The following IL1RAPL2 variants were observed in gnomAD, a reference collection of about 807,000 sequenced individuals.
The protein encoded by IL1RAPL2 is X-linked interleukin-1 receptor accessory protein-like 2.
A neutral mutation model predicts 44.1 loss-of-function variants in IL1RAPL2; 3 were observed. That is an observed-to-expected ratio of 0.07 (90% CI 0.03 to 0.18). IL1RAPL2 has a LOEUF of 0.18. Among genes scored for constraint, IL1RAPL2 ranks in the 10% least tolerant of loss-of-function variants. The pLI is 1.00. For missense variants in IL1RAPL2, 391 were observed against 496.4 expected, an observed-to-expected ratio of 0.79 and a Z score of 2.02; for synonymous variants, 181 against 178.8, an observed-to-expected ratio of 1.01 and a Z score of -0.10.
intron 6 of IL1RAPL2, among the ~76,000 whole-genome samples, chrX:105,523,971 A>G (rs977242915): frequency 1.8e-5 from 2 of 111,549 alleles, no homozygotes; most frequent in Non-Finnish European, 3.8e-5. Context: ...TTATGTTGTA[A>G]TTTAATGACA....
At chrX:105,460,386 C>T (rs2036085419) in intron 5 of IL1RAPL2, among the ~76,000 whole-genome samples, 1 of 110,196 alleles carries the variant, frequency 9.1e-6, no homozygotes, top group African/African-American at 3.3e-5. Flanking sequence ...CTCTCTACAT[C>T]TCTCTCTCCT....
intron 2 of IL1RAPL2, among the ~76,000 whole-genome samples, chrX:104,971,238 C>T (rs1044668524): frequency 9.0e-6 from 1 of 110,692 alleles, no homozygotes; most frequent in African/African-American, 3.3e-5. Context: ...ATCCCAGCTA[C>T]TCGGGATGCT....
intron 1 of IL1RAPL2, among the ~76,000 whole-genome samples, chrX:104,652,782 G>A: frequency 9.0e-6 from 1 of 111,648 alleles, no homozygotes; most frequent in South Asian, 3.8e-4. Flanking sequence ...GATATTAGGA[G>A]AGTCTCATGC....
chrX:105,679,051 G>GTGAT (rs901803884), intron 6 of IL1RAPL2, among the ~76,000 whole-genome samples: 4 of 102,298 alleles, frequency 3.9e-5, no homozygotes, highest in African/African-American at 7.1e-5. Context: ...TTACTATCAT[G>GTGAT]TGATAGACAA....
chrX:104,783,423 C>T (rs1253117347), intron 2 of IL1RAPL2, among the ~76,000 whole-genome samples: 1 of 110,773 alleles, frequency 9.0e-6, no homozygotes, highest in Non-Finnish European at 1.9e-5. Context: ...CAACACCAAC[C>T]GACTCTTGTC....
intron 2 of IL1RAPL2, among the ~76,000 whole-genome samples, chrX:104,846,912 CATT>C (rs948206983): frequency 8.9e-6 from 1 of 112,073 alleles, no homozygotes; most frequent in African/African-American, 3.2e-5. Flanking sequence ...GATGGTATCT[CATT>C]GTGTTTTTGA....
chrX:105,405,652 G>T, intron 5 of IL1RAPL2: 1 of 1,127,188 alleles, frequency 8.9e-7, no homozygotes, highest in Non-Finnish European at 1.2e-6. Context: ...GCGCGATGAG[G>T]CGGGTGACCC....
chrX:105,194,097 C>T (rs901422142), intron 2 of IL1RAPL2, among the ~76,000 whole-genome samples: 1 of 111,966 alleles, frequency 8.9e-6, no homozygotes, highest in Non-Finnish European at 1.9e-5. Flanking sequence ...TTGCCAACTA[C>T]CTTGAAGCCC....
At chrX:105,542,723 ATTT>A (rs2036752048) in intron 6 of IL1RAPL2, among the ~76,000 whole-genome samples, 1 of 82,371 alleles carries the variant, frequency 1.2e-5, no homozygotes, top group African/African-American at 4.3e-5. Context: ...TTATTTATTT[ATTT>A]ATTTAATTTA....
intron 5 of IL1RAPL2, among the ~76,000 whole-genome samples, chrX:105,458,849 A>G (rs1262833772): frequency 9.0e-6 from 1 of 111,648 alleles, no homozygotes; most frequent in Non-Finnish European, 1.9e-5. Flanking sequence ...CAGGTCGAAT[A>G]GAGACAATTT....
chrX:105,016,960 G>A (rs1287803729), intron 2 of IL1RAPL2, among the ~76,000 whole-genome samples: 1 of 111,367 alleles, frequency 9.0e-6, no homozygotes, highest in Non-Finnish European at 1.9e-5. Context: ...TTTTTTGGTT[G>A]GTAGGCTATT....
At chrX:105,524,551 A>T (rs1480562573) in intron 6 of IL1RAPL2, among the ~76,000 whole-genome samples, 2 of 110,025 alleles carry the variant, frequency 1.8e-5, no homozygotes, top group African/African-American at 6.6e-5. Flanking sequence ...CAAATACTAG[A>T]TATGATAATT....
chrX:104,897,664 G>T (rs1334091000), intron 2 of IL1RAPL2, among the ~76,000 whole-genome samples: 1 of 111,949 alleles, frequency 8.9e-6, no homozygotes, highest in Admixed American at 9.5e-5. Context: ...AAATAACAGG[G>T]ACAAGGAATA....
At chrX:104,890,186 T>C (rs958535910) in intron 2 of IL1RAPL2, among the ~76,000 whole-genome samples, 1 of 112,077 alleles carries the variant, frequency 8.9e-6, no homozygotes, top group African/African-American at 3.2e-5. Context: ...ATTTTCTTAA[T>C]CCAGTCTATC....
chrX:105,445,016 A>G (rs150839037), intron 5 of IL1RAPL2, among the ~76,000 whole-genome samples: 86 of 111,983 alleles, frequency 7.7e-4, no homozygotes, highest in African/African-American at 2.7e-3. Context: ...TGAAGCCATC[A>G]GTTCCCAGGC....
intron 2 of IL1RAPL2, among the ~76,000 whole-genome samples, chrX:104,744,667 T>C (rs1009240728): frequency 9.0e-6 from 1 of 111,448 alleles, no homozygotes; most frequent in Non-Finnish European, 1.9e-5. Flanking sequence ...CTCTATACTG[T>C]TAGAGCAGTG....
chrX:104,585,328 A>ATATATTATATAATATATAATATATAAT (rs1928518799), intron 1 of IL1RAPL2, among the ~76,000 whole-genome samples: 6 of 12,484 alleles, frequency 4.8e-4, no homozygotes, highest in Non-Finnish European at 5.9e-4. Flanking sequence ...TATTATATAT[A>ATATATTATATAATATATAATATATAAT]ATATATATTA....
At chrX:105,008,570 TC>T (rs2030986548) in intron 2 of IL1RAPL2, among the ~76,000 whole-genome samples, 1 of 111,000 alleles carries the variant, frequency 9.0e-6, no homozygotes, top group South Asian at 3.8e-4. Flanking sequence ...TGAAACTGGA[TC>T]CCTTCCTTAC....
intron 2 of IL1RAPL2, among the ~76,000 whole-genome samples, chrX:104,986,642 C>T (rs2030565706): frequency 1.8e-5 from 2 of 112,032 alleles, no homozygotes; most frequent in South Asian, 7.4e-4. Flanking sequence ...TCAGAATGTG[C>T]ATAATACATA....
Sources: gnomAD v4.1 joint callset for allele counts (sites outside exome capture counted in the v4.1 genomes callset) on GRCh38, gnomAD v4.1.1 for gene constraint, MANE v1.5 for transcripts, NCBI Gene and HGNC (gene_info 2026-07-23, HGNC 2026-07-21) for gene names.